Variants in ARFGEF1 observed in about 807,000 individuals in gnomAD.
ARFGEF1 encodes the protein ARF guanine nucleotide exchange factor 1.
ARFGEF1 carries 42 observed loss-of-function variants against 231.0 expected under a neutral mutation model. That is an observed-to-expected ratio of 0.18 (90% CI 0.14 to 0.24). The LOEUF is 0.24. ARFGEF1 is among the 10% of genes least tolerant of loss of function. The pLI, the probability that ARFGEF1 is intolerant of heterozygous loss-of-function variation, is 1.00. For synonymous variants in ARFGEF1, 710 were observed against 732.3 expected (o/e 0.97, Z 0.49); for missense variants, 1,345 against 2,192.0 (o/e 0.61, Z 7.72).
At chr8:67,204,095 T>C (rs1009719625) in intron 35 of ARFGEF1, among the ~76,000 whole-genome samples, 1 of 152,188 alleles carries the variant, frequency 6.6e-6, no homozygotes, top group Non-Finnish European at 1.5e-5. Context: ...AACCCCTCTC[T>C]TGAACCCCTC....
intron 5 of ARFGEF1, chr8:67,190,788 C>T: frequency 6.7e-7 from 1 of 1,496,268 alleles, no homozygotes; most frequent in Non-Finnish European, 9.3e-7. Flanking sequence ...TCCCCCTTTT[C>T]AACTTAGAAG....
intron 1 of ARFGEF1, among the ~76,000 whole-genome samples, chr8:67,307,889 GAAC>G (rs1420583625): frequency 6.6e-6 from 1 of 152,182 alleles, no homozygotes; most frequent in Non-Finnish European, 1.5e-5. Flanking sequence ...AAGTGACAGT[GAAC>G]AACAGCTGAG....
intron 33 of ARFGEF1, among the ~76,000 whole-genome samples, chr8:67,216,072 C>G (rs1420188664): frequency 6.6e-6 from 1 of 152,126 alleles, no homozygotes; most frequent in East Asian, 1.9e-4. Context: ...TGGCACTTAA[C>G]AAAGACACAT....
At chr8:67,190,935 T>C (rs1292924016) in intron 5 of ARFGEF1, among the ~76,000 whole-genome samples, 3 of 152,218 alleles carry the variant, frequency 2.0e-5, no homozygotes, top group Non-Finnish European at 1.5e-5. Flanking sequence ...ATTCTGCTGC[T>C]TTGGCTTCTT....
chr8:67,236,176 G>C (rs1046328127), intron 22 of ARFGEF1, among the ~76,000 whole-genome samples: 3 of 150,518 alleles, frequency 2.0e-5, no homozygotes, highest in African/African-American at 7.3e-5. Context: ...AAATTAGCTA[G>C]GTGTGGTGGC....
At chr8:67,202,939 G>C (rs1264755925) in intron 36 of ARFGEF1, 144 bp downstream of exon 36, 2 of 784,946 alleles carry the variant, frequency 2.5e-6, no homozygotes, top group Non-Finnish European at 3.8e-6. Flanking sequence ...CTCGTTGTGA[G>C]GTTACTTTAT....
In ARFGEF1 at chr8:67,198,491, C is replaced by A. The variant is rs947125324; in HGVS notation, c.*443G>T. On this transcript the variant is annotated 3_prime_UTR_variant, in exon 39 of 39. Transcript: ENST00000262215. ...TAAGAATACCATAGTTGCTAAATAT[C>A]TTTTACCATGAACAATAATTTCTTC... The A allele has an allele frequency of 9.1e-6, 9 of 989,668 alleles. No homozygotes were observed. The highest frequency in any genetic ancestry group is 1.1e-5 in the Non-Finnish European group (9 of 832,854). 61.3% of individuals were successfully genotyped at this position (989,668 alleles called of 1,614,324 possible).
At chr8:67,319,913 C>T (rs752156669) in intron 1 of ARFGEF1, among the ~76,000 whole-genome samples, 3 of 151,856 alleles carry the variant, frequency 2.0e-5, no homozygotes, top group African/African-American at 4.8e-5. Context: ...ATGCACATGG[C>T]AAATAAACAT....
chr8:67,184,295 G>A lies in ARFGEF1; in HGVS notation c.561-8723C>T, dbSNP rs141194450. ...ATTAAATCCAAAGTAAGCAGAAGAA[G>A]AGAAATAAAAATTGGAGCAGAAATC... On this transcript the variant is annotated intron_variant, in intron 5 of 5. Transcript: ENST00000518789. Among the ~76,000 whole-genome samples the A allele has an allele frequency of 3.9e-5, 6 of 152,242 alleles. No individual in the cohort carries two copies. In the East Asian group the frequency reaches 1.2e-3, roughly 29 times the overall value.
intron 1 of ARFGEF1, among the ~76,000 whole-genome samples, chr8:67,324,062 A>G (rs1171350759): frequency 1.3e-5 from 2 of 152,056 alleles, no homozygotes; most frequent in Non-Finnish European, 2.9e-5. Context: ...CGGCCTCCCA[A>G]AGTGCTGGGA....
At chr8:67,193,285 T>G (rs1246287530), downstream of ARFGEF1, among the ~76,000 whole-genome samples, 1 of 152,116 alleles carries the variant, frequency 6.6e-6, no homozygotes, top group Non-Finnish European at 1.5e-5. Flanking sequence ...TTAGTAGAGA[T>G]GGGGTTTCAC....
downstream of ARFGEF1, chr8:67,195,321 C>A: frequency 2.0e-6 from 2 of 998,976 alleles, no homozygotes; most frequent in Non-Finnish European, 1.6e-6. Flanking sequence ...AAGAGACCTG[C>A]GCTTATGTCT....
At chr8:67,195,571 G>T (rs1563817451), downstream of ARFGEF1, 2 of 1,614,144 alleles carry the variant, frequency 1.2e-6, no homozygotes, top group South Asian at 1.1e-5. Context: ...ACTTGGCAGG[G>T]CCTGTCGACT....
rs1840501912 is a variant in ARFGEF1, at chr8:67,257,591, T to A, written c.2526+141A>T. 4 of 667,506 alleles carry A rather than the reference T, an allele frequency of 6.0e-6. No individual in the cohort carries two copies. The Admixed American group carries it at 1.0e-4, about 17-fold the overall frequency. 41.3% of individuals were successfully genotyped at this position (667,506 alleles called of 1,614,324 possible). A position where few individuals can be genotyped will look rare whatever the true frequency, so the allele number is the denominator to read the frequency against. ...ACCAGAAGTTGCCTTTGTAAAATGTTCACCATCCCAAATTAAATACCCAAA... is the reference window on the plus strand; with the variant it reads ...ACCAGAAGTTGCCTTTGTAAAATGTACACCATCCCAAATTAAATACCCAAA... On this transcript the variant is annotated intron_variant, in intron 17 of 38. Transcript: ENST00000262215.
downstream of ARFGEF1, chr8:67,193,482 G>A: frequency 6.2e-7 from 1 of 1,613,468 alleles, no homozygotes; most frequent in Non-Finnish European, 8.5e-7. Flanking sequence ...TCGTCCTAAT[G>A]TAGCACCAGA....
At chr8:67,247,204 G>T (rs1840134039) in intron 19 of ARFGEF1, among the ~76,000 whole-genome samples, 1 of 149,856 alleles carries the variant, frequency 6.7e-6, no homozygotes. Context: ...ACTATTCTGA[G>T]AAACAGAGTA....
chr8:67,292,205 T>A, intron 5 of ARFGEF1, 82 bp from the exon 6 acceptor site: 2 of 1,203,878 alleles, frequency 1.7e-6, no homozygotes, highest in Non-Finnish European at 2.3e-6. Context: ...AACAATCCTT[T>A]CTATAAGGTG....
rs560301100 is a variant in ARFGEF1, at chr8:67,199,069, A to G, written c.5415T>C (p.Pro1805=). 6 of 1,611,226 alleles carry G rather than the reference A, an allele frequency of 3.7e-6. 1 individual carries two copies. In the Admixed American group the frequency reaches 1.0e-4, roughly 27 times the overall value. The change falls in exon 39 of 39, where the codon CCT becomes CCC. Residue 1805 remains proline, a synonymous_variant. Coordinates refer to ENST00000262215, the MANE Select transcript of ARFGEF1 (RefSeq NM_006421.5). ...CAAATTGCATAATTTCACATAAGAGAGGGTAGTAGAATGATGCATGAGCTT... is the reference window on the plus strand; with the variant it reads ...CAAATTGCATAATTTCACATAAGAGGGGGTAGTAGAATGATGCATGAGCTT... ...RFKAHASFYY[P]LLCEIMQFDL...
chr8:67,219,247 G>GT (rs1839066219), intron 30 of ARFGEF1, among the ~76,000 whole-genome samples, 184 bp downstream of exon 30: 1 of 152,166 alleles, frequency 6.6e-6, no homozygotes, highest in African/African-American at 2.4e-5. Context: ...GATTACAGGC[G>GT]TGAGCCACTG....
Sources: allele counts gnomAD v4.1 joint callset (sites outside exome capture counted in the v4.1 genomes callset), GRCh38; gene constraint gnomAD v4.1.1; transcripts MANE v1.5; gene names NCBI Gene and HGNC (gene_info 2026-07-23, HGNC 2026-07-21).